The following MYRIP variants were observed in gnomAD, a reference collection of about 807,000 sequenced individuals.
MYRIP encodes myosin VIIA and Rab interacting protein, also known as rab effector MyRIP.
A neutral mutation model predicts 98.0 loss-of-function variants in MYRIP; 49 were observed. The ratio of observed to expected loss-of-function variants is 0.50; its 90% CI spans 0.40 to 0.63. MYRIP has a LOEUF of 0.63. MYRIP is among the 30% of genes least tolerant of loss of function. MYRIP has a pLI of 0.00. For missense variants in MYRIP, 1,004 were observed against 1,058.2 expected, an observed-to-expected ratio of 0.95 and a Z score of 0.71; for synonymous variants, 404 against 409.5, an observed-to-expected ratio of 0.99 and a Z score of 0.16.
chr3:40,096,055 C>T (rs1486651923), intron 3 of MYRIP, among the ~76,000 whole-genome samples: 2 of 151,740 alleles, frequency 1.3e-5, no homozygotes, highest in African/African-American at 4.8e-5. Flanking sequence ...CCCCAGACTC[C>T]AGCACCCACA....
chr3:39,958,332 T>C (rs1318382784), intron 2 of MYRIP, among the ~76,000 whole-genome samples: 1 of 151,986 alleles, frequency 6.6e-6, no homozygotes, highest in Admixed American at 6.6e-5. Context: ...AAAACAGAGA[T>C]ATAGACTGAT....
intron 2 of MYRIP, among the ~76,000 whole-genome samples, chr3:39,977,933 G>A (rs1044803064): frequency 3.3e-5 from 5 of 152,162 alleles, no homozygotes; most frequent in South Asian, 4.2e-4. Flanking sequence ...TGTCTGTGGA[G>A]CCCCTATTAT....
chr3:39,866,050 A>G (rs548076690), intron 1 of MYRIP, among the ~76,000 whole-genome samples: 72 of 152,284 alleles, frequency 4.7e-4, no homozygotes, highest in African/African-American at 1.7e-3. Flanking sequence ...AGAGGCCACT[A>G]TCCTAAGCAA....
At chr3:40,176,921 A>AAAAAG (rs1559435695) in intron 8 of MYRIP, among the ~76,000 whole-genome samples, 15 of 145,314 alleles carry the variant, frequency 1.0e-4, no homozygotes, top group Non-Finnish European at 1.5e-4. Flanking sequence ...AAAAAAAAAA[A>AAAAAG]AAAAGAAAAG....
At chr3:39,973,836 T>C (rs1212679793) in intron 2 of MYRIP, among the ~76,000 whole-genome samples, 2 of 152,206 alleles carry the variant, frequency 1.3e-5, no homozygotes, top group African/African-American at 2.4e-5. Flanking sequence ...GAAATAAAGA[T>C]GTTCTTTGAA....
chr3:40,159,374 T>C (rs1950324151), intron 4 of MYRIP, among the ~76,000 whole-genome samples: 2 of 152,260 alleles, frequency 1.3e-5, no homozygotes. Context: ...GCTGTTAGTC[T>C]GATGGGCTTC....
intron 3 of MYRIP, among the ~76,000 whole-genome samples, chr3:40,093,800 A>G (rs1374605156): frequency 1.3e-5 from 2 of 152,182 alleles, no homozygotes; most frequent in African/African-American, 4.8e-5. Flanking sequence ...AGCAATAGCA[A>G]TTTGCTTTAA....
chr3:40,077,706 T>A (rs971342836), intron 3 of MYRIP, among the ~76,000 whole-genome samples: 2 of 152,206 alleles, frequency 1.3e-5, no homozygotes, highest in African/African-American at 4.8e-5. Flanking sequence ...CCCACCACAG[T>A]AGCTAGATAC....
At chr3:40,087,386 T>C (rs6766930) in intron 3 of MYRIP, among the ~76,000 whole-genome samples, 14,754 of 152,196 alleles carry the variant, frequency 0.097, 835 homozygotes, top group East Asian at 0.22. Context: ...ATTGCTGCTG[T>C]TGTTATTGTT....
At chr3:40,136,730 T>C (rs1180774169) in intron 3 of MYRIP, among the ~76,000 whole-genome samples, 2 of 152,288 alleles carry the variant, frequency 1.3e-5, no homozygotes, top group African/African-American at 4.8e-5. Flanking sequence ...ATTAAGAAAC[T>C]CACGCAAAAC....
At chr3:39,955,982 C>A (rs1358251395) in intron 2 of MYRIP, among the ~76,000 whole-genome samples, 2 of 152,110 alleles carry the variant, frequency 1.3e-5, no homozygotes, top group African/African-American at 4.8e-5. Context: ...AGCTAACTAT[C>A]CTAAATATAT....
At chr3:40,167,354 C>T (rs1456548649) in intron 7 of MYRIP, 115 bp downstream of exon 7, 2 of 953,512 alleles carry the variant, frequency 2.1e-6, no homozygotes, top group South Asian at 1.5e-5. Context: ...ATCTTCTGTG[C>T]CTTCTCACTT....
chr3:40,044,995 TTGTC>T lies in MYRIP; in HGVS notation c.332+728_332+731del, dbSNP rs1217478760. 4.6e-5 allele frequency among the ~76,000 whole-genome samples: 7 copies of T among 152,310 alleles called. No homozygotes were observed. In the East Asian group the frequency reaches 1.2e-3, roughly 25 times the overall value. ...AGTATGATAAACCAGTGTTTGGTATTTGTCTGTGCTGATCCTAGCATCTGTAGTG... is the reference window on the plus strand; with the variant it reads ...AGTATGATAAACCAGTGTTTGGTATTTGTGCTGATCCTAGCATCTGTAGTG... On this transcript the variant is annotated intron_variant, in intron 3 of 16. Coordinates refer to ENST00000302541, the MANE Select transcript of MYRIP (RefSeq NM_015460.4).
intron 2 of MYRIP, among the ~76,000 whole-genome samples, chr3:40,015,430 C>T (rs1946842052): frequency 6.6e-6 from 1 of 152,190 alleles, no homozygotes; most frequent in Non-Finnish European, 1.5e-5. Context: ...CCCTGAGTCA[C>T]ACTTCAGGCT....
At chr3:40,134,015 G>C (rs969770260) in intron 3 of MYRIP, among the ~76,000 whole-genome samples, 1 of 152,204 alleles carries the variant, frequency 6.6e-6, no homozygotes, top group East Asian at 1.9e-4. Flanking sequence ...ATCTCACTGG[G>C]GAGTGCCGGA....
chr3:40,233,870 T>C lies in MYRIP; in HGVS notation c.1917T>C (p.Ala639=). ...ATCGGACCAAACAGAAGTTTTCTGC[T>C]GTTTCTCTCTGCAACATCTCCACAG... is the stretch of plus-strand genomic sequence containing the variant. The part of the protein sequence containing the change: ...VQEELKKKFS[A]VSLCNISTEV... The change falls in exon 12 of 17, where the codon GCT becomes GCC. Residue 639 remains alanine (A), a synonymous_variant. Transcript: ENST00000302541. The C allele has an allele frequency of 6.2e-7, 1 of 1,612,796 alleles. No individual in the cohort carries two copies. Among genetic ancestry groups the C allele is most frequent in the Non-Finnish European group, 8.5e-7 (1 of 1,179,658 alleles).
chr3:40,039,757 T>G (rs1295171695), intron 2 of MYRIP, among the ~76,000 whole-genome samples: 1 of 152,040 alleles, frequency 6.6e-6, no homozygotes, highest in Non-Finnish European at 1.5e-5. Context: ...ACTATATTAG[T>G]TTCCTGAGGC....
chr3:40,134,289 G>A (rs2125921111), intron 3 of MYRIP, among the ~76,000 whole-genome samples: 1 of 152,286 alleles, frequency 6.6e-6, no homozygotes. Context: ...CTCATTGCTA[G>A]CACAGCAGTC....
chr3:39,879,622 G>T lies in MYRIP; in HGVS notation c.-30-21165G>T, dbSNP rs56162042. Among the ~76,000 whole-genome samples, 257 of 152,112 alleles carry T rather than the reference G, an allele frequency of 1.7e-3. 1 individual carries two copies. Among genetic ancestry groups the T allele is most frequent in the African/African-American group, 5.5e-3 (227 of 41,472 alleles). ...GAATATCTTAATCCTGGGACATAGT[G>T]TGTACTCATAAAATGTGGTTCTTCT... On this transcript the variant is annotated intron_variant, in intron 1 of 16. Coordinates refer to ENST00000302541, the MANE Select transcript of MYRIP (RefSeq NM_015460.4).
Sources: gnomAD v4.1 joint callset for allele counts (sites outside exome capture counted in the v4.1 genomes callset) on GRCh38, gnomAD v4.1.1 for gene constraint, MANE v1.5 for transcripts, NCBI Gene and HGNC (gene_info 2026-07-23, HGNC 2026-07-21) for gene names.